The following FUCA1 variants were observed in gnomAD, a reference collection of about 807,000 sequenced individuals.
FUCA1 encodes alpha-L-fucosidase 1.
A neutral mutation model predicts 56.8 loss-of-function variants in FUCA1; 52 were observed. That is an observed-to-expected ratio of 0.92 (90% CI 0.73 to 1.15). The LOEUF (loss-of-function observed/expected upper bound fraction) is 1.15. Among genes scored for constraint, FUCA1 ranks in the 50% most tolerant of loss-of-function variants. The probability of loss-of-function intolerance (pLI) is 0.00; values close to 1 mark genes in which losing one functional copy is unlikely to be tolerated. For missense variants in FUCA1, 568 were observed against 592.6 expected, an observed-to-expected ratio of 0.96 and a Z score of 0.43; for synonymous variants, 230 against 226.6, an observed-to-expected ratio of 1.02 and a Z score of -0.14.
chr1:23,846,097 G>A lies in FUCA1; in HGVS notation c.1237C>T (p.Pro413Ser), dbSNP rs776717041. Residue 413 changes from proline (P) to serine (S), a missense_variant, in exon 7 of 8, where the codon CCC (proline) becomes TCC (serine). Pro to Ser is a moderately conservative substitution (Grantham distance 74). Transcript: ENST00000374479. ...ACCTTTGTAGTTGAGGTAGTTATGG[G>A]GGATTCAAGGTTTAAGACTCCATTT... ...PENGVLNLES[P>S]ITTSTTKITM... 1 of 1,613,754 alleles carries A rather than the reference G, an allele frequency of 6.2e-7. No individual in the cohort carries two copies. The highest frequency in any genetic ancestry group is 1.7e-4 in the Middle Eastern group (1 of 6,060).
At chr1:23,853,444 G>A (rs1639318117) in intron 5 of FUCA1, among the ~76,000 whole-genome samples, 1 of 149,444 alleles carries the variant, frequency 6.7e-6, no homozygotes, top group African/African-American at 2.5e-5. Flanking sequence ...GGAGGTGGGG[G>A]GGTCAGCCCC....
chr1:23,864,701 TTTTTC>T (rs1639585750), intron 2 of FUCA1, among the ~76,000 whole-genome samples: 1 of 149,618 alleles, frequency 6.7e-6, no homozygotes, highest in South Asian at 2.1e-4. Context: ...CTTTTTGTCT[TTTTTC>T]TTTTTTTTTT....
At chr1:23,850,913 C>T (rs953477163) in intron 5 of FUCA1, among the ~76,000 whole-genome samples, 5 of 152,020 alleles carry the variant, frequency 3.3e-5, no homozygotes, top group Non-Finnish European at 5.9e-5. Flanking sequence ...GTGTGAGCCA[C>T]CACCATGCCC....
intron 2 of FUCA1, among the ~76,000 whole-genome samples, chr1:23,863,647 T>G (rs1401934121): frequency 1.3e-5 from 2 of 151,878 alleles, no homozygotes; most frequent in Non-Finnish European, 2.9e-5. Context: ...AGTCCATGAG[T>G]TTGAGACCAG....
rs1386403634 is a variant in FUCA1 at position 23,868,110 on chromosome 1, C to G, written c.177G>C (p.Gly59=). 1.9e-6 allele frequency: 3 copies of G among 1,611,876 alleles called. No individual in the cohort carries two copies. Residue 59 remains glycine (G), a synonymous_variant, in exon 1 of 8, where the codon GGG becomes GGC. Transcript: ENST00000374479. ...AGAACACGCCCCAGTGGATGAACAC[C>G]CCGAACTTGGCTTCGTCGAACCAGG... ...LPAWFDEAKF[G]VFIHWGVFSV...
intron 5 of FUCA1, among the ~76,000 whole-genome samples, chr1:23,849,302 A>G (rs369691387): frequency 1.3e-5 from 2 of 151,988 alleles, no homozygotes; most frequent in Non-Finnish European, 2.9e-5. Flanking sequence ...TTCTCTCTCT[A>G]TATATATTTT....
At chr1:23,855,441 G>C (rs921426675) in intron 4 of FUCA1, among the ~76,000 whole-genome samples, 4 of 152,242 alleles carry the variant, frequency 2.6e-5, no homozygotes, top group Non-Finnish European at 4.4e-5. Context: ...AGGTAGCAGT[G>C]AGCCGAGATC....
intron 2 of FUCA1, among the ~76,000 whole-genome samples, chr1:23,864,179 C>T (rs548145864): frequency 1.2e-4 from 18 of 150,810 alleles, no homozygotes; most frequent in East Asian, 9.9e-4. Flanking sequence ...CTCTACCTCC[C>T]GGGTTCACGC....
chr1:23,864,104 T>C (rs1286860394), intron 2 of FUCA1, among the ~76,000 whole-genome samples: 1 of 148,402 alleles, frequency 6.7e-6, no homozygotes, highest in African/African-American at 2.5e-5. Context: ...TTTTTTTTTT[T>C]GAGATGGAGT....
chr1:23,846,747 A>T (rs1639151870), intron 6 of FUCA1, among the ~76,000 whole-genome samples: 1 of 151,214 alleles, frequency 6.6e-6, no homozygotes, highest in Non-Finnish European at 1.5e-5. Flanking sequence ...ATACCCTGCT[A>T]ATTTTTGTAT....
intron 1 of FUCA1, 42 bp from the exon 2 acceptor site, chr1:23,865,667 G>A: frequency 6.2e-7 from 1 of 1,611,926 alleles, no homozygotes; most frequent in Non-Finnish European, 8.5e-7. Context: ...AGTGGGCAGT[G>A]AACTTGCATG....
chr1:23,867,635 G>T lies in FUCA1; in HGVS notation c.389+263C>A. 1 of 793,556 alleles carries T rather than the reference G, an allele frequency of 1.3e-6. No homozygotes were observed. The allele number at this position is 793,556 out of a possible 1,614,324, so 49.2% of individuals were successfully genotyped here. A position where few individuals can be genotyped will look rare whatever the true frequency, so the allele number is the denominator to read the frequency against. On this transcript the variant is annotated intron_variant, in intron 1 of 7. Coordinates refer to ENST00000374479, the MANE Select transcript of FUCA1 (RefSeq NM_000147.5). This position sits in a 1 kb window ranked among gnomAD's most constrained non-coding sequence, Gnocchi z 4.9. ...GGGACATCAGGTATGGCCTAACTCA[G>T]CCCTCTCGGTGCACAGGTGCAGATA...
intron 6 of FUCA1, among the ~76,000 whole-genome samples, chr1:23,847,273 T>C (rs984287089): frequency 1.3e-5 from 2 of 152,044 alleles, no homozygotes; most frequent in African/African-American, 2.4e-5. Flanking sequence ...TCCAAATCCA[T>C]GTGAAAATAG....
Position 23,868,288 on chromosome 1 carries a change from G to C in FUCA1, c.-2C>G. ...CGACCTCATCCCCGGAGCCCGCATC[G>C]CTACCCCTCAGCGACGCGGCCCACT... On this transcript the variant is annotated 5_prime_UTR_variant, in exon 1 of 8. Coordinates refer to ENST00000374479, the MANE Select transcript of FUCA1 (RefSeq NM_000147.5). 1 of 1,545,932 alleles carries C rather than the reference G, an allele frequency of 6.5e-7. No homozygotes were observed. Among genetic ancestry groups the C allele is most frequent in the Non-Finnish European group, 8.7e-7 (1 of 1,148,950 alleles).
rs766238963 is a variant in FUCA1 at position 23,859,755 on chromosome 1, C to G, written c.768+43G>C. 2.3e-6 allele frequency: 3 copies of G among 1,320,686 alleles called. No individual in the cohort carries two copies. In the African/African-American group the frequency reaches 4.3e-5, roughly 19 times the overall value. The allele number at this position is 1,320,686 out of a possible 1,614,324, so 81.8% of individuals were successfully genotyped here. A position where few individuals can be genotyped will look rare whatever the true frequency, so the allele number is the denominator to read the frequency against. On this transcript the variant is annotated intron_variant, in intron 4 of 7. Coordinates refer to ENST00000374479, the MANE Select transcript of FUCA1 (RefSeq NM_000147.5). ...TCCAGAGTTTGGCTCCTTGCACTTT[C>G]TTTCTTCATAGGAGATAAATAAGAA...
At chr1:23,858,243 A>G (rs562675242) in intron 4 of FUCA1, among the ~76,000 whole-genome samples, 3 of 151,470 alleles carry the variant, frequency 2.0e-5, no homozygotes, top group Admixed American at 6.6e-5. Context: ...TTCTTTTTGT[A>G]TTTTTAGTAG....
chr1:23,854,343 C>T lies in FUCA1; in HGVS notation c.969+17G>A. 3.2e-6 allele frequency: 5 copies of T among 1,583,614 alleles called. No individual in the cohort carries two copies. The East Asian group carries it at 6.7e-5, about 21-fold the overall frequency. ...AAAAAAAAAAAACAAAAACAAAAAA[C>T]TCAAAGGTGCTCTTACCGAAATGAT... On this transcript the variant is annotated intron_variant, in intron 5 of 7. Transcript: ENST00000374479.
intron 6 of FUCA1, among the ~76,000 whole-genome samples, chr1:23,846,836 C>T (rs1394523785): frequency 6.6e-6 from 1 of 152,176 alleles, no homozygotes. Context: ...CCCGCCTCGG[C>T]CTCCCAAAGT....
intron 5 of FUCA1, 88 bp from the exon 6 acceptor site, chr1:23,848,927 G>C: frequency 8.9e-7 from 1 of 1,128,852 alleles, no homozygotes. Flanking sequence ...AAAGAATCTA[G>C]GGCACACTCT....
Sources: gnomAD v4.1 joint callset for allele counts (sites outside exome capture counted in the v4.1 genomes callset) on GRCh38, gnomAD v4.1.1 for gene constraint, Gnocchi (gnomAD v3.1) non-coding constraint, MANE v1.5 for transcripts, NCBI Gene and HGNC (gene_info 2026-07-23, HGNC 2026-07-21) for gene names.